Variants in SKAP2 observed in about 807,000 individuals in gnomAD.
SKAP2 encodes the protein src kinase-associated phosphoprotein 2.
SKAP2 carries 28 observed loss-of-function variants against 54.9 expected under a neutral mutation model. The ratio of observed to expected loss-of-function variants is 0.51; its 90% confidence interval spans 0.38 to 0.70. The LOEUF is 0.70. SKAP2 is among the 30% of genes least tolerant of loss of function. The probability of loss-of-function intolerance (pLI) is 0.00; values close to 1 mark genes in which losing one functional copy is unlikely to be tolerated. For synonymous variants in SKAP2, 137 were observed against 134.3 expected, an observed-to-expected ratio of 1.02 and a Z score of -0.14; for missense variants, 356 against 424.1, an observed-to-expected ratio of 0.84 and a Z score of 1.41.
intron 4 of SKAP2, among the ~76,000 whole-genome samples, chr7:26,766,567 C>T (rs1783060576): frequency 6.6e-6 from 1 of 152,214 alleles, no homozygotes; most frequent in Non-Finnish European, 1.5e-5. Flanking sequence ...AAAGGGAATG[C>T]TTCCAGCTTT....
chr7:26,759,006 T>C (rs1782864849), intron 4 of SKAP2, among the ~76,000 whole-genome samples: 1 of 152,204 alleles, frequency 6.6e-6, no homozygotes, highest in Non-Finnish European at 1.5e-5. Flanking sequence ...TCTAAATTTG[T>C]TGATATTACA....
intron 4 of SKAP2, among the ~76,000 whole-genome samples, chr7:26,836,858 A>T (rs936795212): frequency 3.9e-5 from 6 of 152,224 alleles, no homozygotes; most frequent in Admixed American, 1.3e-4. Flanking sequence ...AAGGATTATA[A>T]ATCATTCTAC....
chr7:26,789,406 G>A (rs915061537), intron 4 of SKAP2, among the ~76,000 whole-genome samples: 1 of 152,166 alleles, frequency 6.6e-6, no homozygotes, highest in African/African-American at 2.4e-5. Flanking sequence ...TGGCCTTCAT[G>A]TAACCAATTT....
intron 1 of SKAP2, among the ~76,000 whole-genome samples, chr7:26,855,492 T>C (rs1252537155): frequency 6.6e-6 from 1 of 152,096 alleles, no homozygotes; most frequent in East Asian, 1.9e-4. Context: ...ATAAAAAAGA[T>C]AACCAGCTGT....
intron 11 of SKAP2, among the ~76,000 whole-genome samples, chr7:26,675,580 G>A (rs889647847): frequency 1.3e-5 from 2 of 152,140 alleles, no homozygotes; most frequent in African/African-American, 4.8e-5. Flanking sequence ...TGTTCCATAA[G>A]TAGGTACTAG....
chr7:26,848,741 A>G (rs950678429), intron 3 of SKAP2, among the ~76,000 whole-genome samples: 11 of 152,226 alleles, frequency 7.2e-5, no homozygotes, highest in African/African-American at 2.7e-4. Flanking sequence ...GTAATAATAT[A>G]TAGCTAAATA....
chr7:26,824,574 T>C (rs1228389919), intron 4 of SKAP2, among the ~76,000 whole-genome samples: 1 of 152,174 alleles, frequency 6.6e-6, no homozygotes, highest in Non-Finnish European at 1.5e-5. Flanking sequence ...ACACTTTGTA[T>C]ACTGTCTCAA....
At chr7:26,815,317 C>T (rs964179128) in intron 4 of SKAP2, among the ~76,000 whole-genome samples, 1 of 152,000 alleles carries the variant, frequency 6.6e-6, no homozygotes, top group Admixed American at 6.6e-5. Context: ...GGGAGAGCTA[C>T]TAAAGAACTA....
chr7:26,689,923 G>A (rs147209602), intron 10 of SKAP2, among the ~76,000 whole-genome samples: 13 of 152,212 alleles, frequency 8.5e-5, no homozygotes, highest in African/African-American at 2.9e-4. Context: ...CATTCTTATA[G>A]GTTTGACAGC....
intron 9 of SKAP2, among the ~76,000 whole-genome samples, chr7:26,723,733 C>T (rs1375959385): frequency 1.3e-5 from 2 of 151,162 alleles, no homozygotes; most frequent in Non-Finnish European, 2.9e-5. Context: ...GGGGAGAGAA[C>T]AGCCAAGTTG....
At chr7:26,692,042 A>C (rs1383230953) in intron 9 of SKAP2, among the ~76,000 whole-genome samples, 1 of 152,118 alleles carries the variant, frequency 6.6e-6, no homozygotes, top group African/African-American at 2.4e-5. Flanking sequence ...CCATTGTCTC[A>C]GACAGCCTAA....
chr7:26,794,761 C>G (rs6964094), intron 4 of SKAP2, among the ~76,000 whole-genome samples: 31,468 of 151,912 alleles, frequency 0.21, 3,370 homozygotes, highest in Non-Finnish European at 0.24. Flanking sequence ...AGCCCACCAC[C>G]ACTGGACTAC....
chr7:26,721,905 C>CT (rs1470398975), intron 9 of SKAP2, among the ~76,000 whole-genome samples: 1 of 152,124 alleles, frequency 6.6e-6, no homozygotes, highest in Non-Finnish European at 1.5e-5. Flanking sequence ...AAAGACACTC[C>CT]TCTGTATTTC....
intron 4 of SKAP2, chr7:26,746,535 A>C (rs1342186471): frequency 6.6e-6 from 1 of 152,038 alleles, no homozygotes; most frequent in East Asian, 1.9e-4. Flanking sequence ...ACATATCCAG[A>C]AGCTTAGCTG....
intron 1 of SKAP2, chr7:26,857,527 C>T (rs1785196339): frequency 1.0e-6 from 1 of 985,304 alleles, no homozygotes; most frequent in Non-Finnish European, 1.2e-6. Context: ...GGCGTTCGGC[C>T]GGTGTCTGAG....
chr7:26,810,077 C>T (rs976427766), intron 4 of SKAP2, among the ~76,000 whole-genome samples: 5 of 151,984 alleles, frequency 3.3e-5, no homozygotes, highest in African/African-American at 1.2e-4. Flanking sequence ...GGTTCGCACC[C>T]GTAATCTCAG....
At chr7:26,740,153 A>ATT (rs1782404224) in intron 4 of SKAP2, among the ~76,000 whole-genome samples, 189 bp from the exon 5 acceptor site, 1 of 27,614 alleles carries the variant, frequency 3.6e-5, no homozygotes, top group Non-Finnish European at 5.6e-5. Context: ...CTCAAAAGTA[A>ATT]AAAAAAAAAA....
At chr7:26,860,738 T>C (rs1278428567) in intron 1 of SKAP2, among the ~76,000 whole-genome samples, 1 of 131,094 alleles carries the variant, frequency 7.6e-6, no homozygotes, top group Non-Finnish European at 1.7e-5. Flanking sequence ...AAATTCTGCC[T>C]CTATTTCAAA....
At chr7:26,764,581 CT>C (rs1172081827) in intron 4 of SKAP2, among the ~76,000 whole-genome samples, 1 of 150,698 alleles carries the variant, frequency 6.6e-6, no homozygotes, top group East Asian at 1.9e-4. Flanking sequence ...TTCTTTTTTT[CT>C]TTTATCTTTT....
Sources: gnomAD v4.1 joint callset for allele counts (sites outside exome capture counted in the v4.1 genomes callset) on GRCh38, gnomAD v4.1.1 for gene constraint, MANE v1.5 for transcripts, NCBI Gene and HGNC (gene_info 2026-07-23, HGNC 2026-07-21) for gene names.